GARNL3: variants seen among roughly 807,000 people sequenced by gnomAD.
The protein encoded by GARNL3 is GTPase activating Rap/RanGAP domain like 3, also known as GTPase-activating Rap/Ran-GAP domain-like protein 3.
Under a neutral mutation model 125.0 loss-of-function variants are expected in GARNL3, and 63 were observed. That is an observed-to-expected ratio of 0.50 (90% CI 0.41 to 0.62). The LOEUF is 0.62. Ranked by LOEUF, GARNL3 falls within the 20% of genes least tolerant of loss-of-function variation. GARNL3 has a pLI of 0.00. For missense variants in GARNL3, 994 were observed against 1,244.0 expected (o/e 0.80, Z 3.02); for synonymous variants, 439 against 457.5 (o/e 0.96, Z 0.52).
rs76446406 is a variant in GARNL3, at chr9:127,389,667, T to C, written c.2743+548T>C. Among the ~76,000 whole-genome samples, 781 of 152,246 alleles carry C rather than the reference T, an allele frequency of 5.1e-3. 9 individuals carry two copies. The highest frequency in any genetic ancestry group is 0.018 in the African/African-American group (743 of 41,532). ...TGGGACTGGGCTCACACCTGTTATC[T>C]CAGCATTTTGGGAGAGGCTGAGGCA... On this transcript the variant is annotated intron_variant, in intron 26 of 27. Transcript: ENST00000373387.
intron 1 of GARNL3, among the ~76,000 whole-genome samples, chr9:127,233,217 G>T (rs1299255477): frequency 6.6e-6 from 1 of 152,198 alleles, no homozygotes; most frequent in African/African-American, 2.4e-5. Context: ...GTGAAACCCT[G>T]TCTCTTAAAA....
rs186115638 is a variant in GARNL3, at chr9:127,389,007, C to A, written c.2631C>A (p.Thr877=). ...CACCCTTAGTCTCCAAGGTCATCAC[C>A]CCACCCACTCCCATCAGTGTGGGCC... ...LKSPLVSKVI[T]PPTPISVGLA... is the part of the protein sequence containing the mutation. Residue 877 remains threonine (T), a synonymous_variant, in exon 26 of 28, where the codon ACC becomes ACA. Transcript: ENST00000373387. 414 of 1,613,588 alleles carry A rather than the reference C, an allele frequency of 2.6e-4. No homozygotes were observed. The highest frequency in any genetic ancestry group is 5.0e-4 in the Middle Eastern group (3 of 6,060).
chr9:127,384,365 G>A lies in GARNL3; in HGVS notation c.2270-662G>A, dbSNP rs146385342. Among the ~76,000 whole-genome samples, 619 of 152,188 alleles carry A rather than the reference G, an allele frequency of 4.1e-3. 11 individuals carry two copies. Among genetic ancestry groups the A allele is most frequent in the East Asian group, 0.021 (108 of 5,166 alleles). On this transcript the variant is annotated intron_variant, in intron 23 of 27. Coordinates refer to ENST00000373387, the MANE Select transcript of GARNL3 (RefSeq NM_032293.5). This position sits in a 1 kb window ranked among gnomAD's most constrained non-coding sequence, Gnocchi z 4.0. ...GCAGAGAGAGCCAGTGCGAAGAAGG[G>A]GACAACACGAAGTGCCAGGAAGAAA...
At chr9:127,254,802 A>G (rs1053626137) in intron 2 of GARNL3, among the ~76,000 whole-genome samples, 1 of 152,146 alleles carries the variant, frequency 6.6e-6, no homozygotes, top group African/African-American at 2.4e-5. Flanking sequence ...TAATTGGAAA[A>G]AGACCAATAA....
At chr9:127,379,091 T>C (rs1832104403) in intron 22 of GARNL3, among the ~76,000 whole-genome samples, 1 of 152,228 alleles carries the variant, frequency 6.6e-6, no homozygotes, top group Non-Finnish European at 1.5e-5. Context: ...AGTGATTTAT[T>C]AATCAGGCAG....
At chr9:127,335,377 G>A (rs1233541205) in intron 10 of GARNL3, 44 bp downstream of exon 10, 2 of 1,377,406 alleles carry the variant, frequency 1.5e-6, no homozygotes, top group Middle Eastern at 1.8e-4. Flanking sequence ...TGTGAATGTG[G>A]AGAGGGCACC....
rs547293377 is a variant in GARNL3 at position 127,244,922 on chromosome 9, G to A, written c.143+1673G>A. ...GAAATGGGAATTTCAAATTTCAGGCGATACTGAATTATCTGAGCAAGATGG... is the reference window on the plus strand; with the variant it reads ...GAAATGGGAATTTCAAATTTCAGGCAATACTGAATTATCTGAGCAAGATGG... On this transcript the variant is annotated intron_variant, in intron 2 of 10. Coordinates refer to the GARNL3 transcript ENST00000439286. 5.9e-5 allele frequency among the ~76,000 whole-genome samples: 9 copies of A among 152,322 alleles called. No homozygotes were observed. The South Asian group carries it at 1.9e-3, about 32-fold the overall frequency.
intron 2 of GARNL3, among the ~76,000 whole-genome samples, chr9:127,245,159 G>T (rs543303704): frequency 8.5e-5 from 13 of 152,224 alleles, no homozygotes; most frequent in Non-Finnish European, 1.5e-4. Context: ...TAAAGTACCC[G>T]CAGTGGAGCT....
At chr9:127,304,139 C>G (rs2064879474) in intron 2 of GARNL3, among the ~76,000 whole-genome samples, 1 of 152,192 alleles carries the variant, frequency 6.6e-6, no homozygotes, top group Admixed American at 6.5e-5. Flanking sequence ...TAGTTGATGT[C>G]AAATGAATAA....
intron 2 of GARNL3, among the ~76,000 whole-genome samples, chr9:127,296,930 G>C (rs933237877): frequency 6.6e-6 from 1 of 151,924 alleles, no homozygotes; most frequent in African/African-American, 2.4e-5. Flanking sequence ...CTATCTAGGA[G>C]CCCCCTGTGA....
intron 1 of GARNL3, among the ~76,000 whole-genome samples, chr9:127,231,051 T>TATATATATATA (rs756942109): frequency 4.5e-4 from 26 of 58,040 alleles, no homozygotes; most frequent in Admixed American, 1.7e-3. Flanking sequence ...TATATATATA[T>TATATATATATA]TTTTTTTTTT....
At chr9:127,327,557 G>A (rs143591213) in intron 7 of GARNL3, among the ~76,000 whole-genome samples, 1 of 152,226 alleles carries the variant, frequency 6.6e-6, no homozygotes, top group Non-Finnish European at 1.5e-5. Flanking sequence ...GCAGGCAAAG[G>A]GAGATGCTTG....
At chr9:127,370,366 T>C (rs573398954) in intron 22 of GARNL3, among the ~76,000 whole-genome samples, 9 of 152,158 alleles carry the variant, frequency 5.9e-5, no homozygotes, top group South Asian at 2.1e-4. Context: ...CTGTACAGGA[T>C]TCCATATGAC....
At position 127,393,231 on chromosome 9, in the gene GARNL3, G is replaced by A. The variant is rs1003180081; in HGVS notation, c.3019G>A (p.Glu1007Lys). The stretch of plus-strand genomic sequence containing the variant: ...CTTCCAGCTCACGGCTTTCTCCGAT[G>A]AAGACATTATAGACTTGAAGTAACA... The part of the protein sequence containing the change: ...SPFQLTAFSD[E>K]DIIDLK Residue 1007 changes from glutamate to lysine, a missense_variant, in exon 28 of 28, where the codon GAA becomes AAA. Transcript: ENST00000373387. 1.9e-6 allele frequency: 3 copies of A among 1,613,140 alleles called. No individual in the cohort carries two copies. The highest frequency in any genetic ancestry group is 2.7e-5 in the African/African-American group (2 of 74,924).
rs1422574777 is a variant in GARNL3, at chr9:127,242,760, A to G, written c.-28-319A>G. Among the ~76,000 whole-genome samples the G allele has an allele frequency of 6.6e-6, 1 of 152,176 alleles. No homozygotes were observed. Among genetic ancestry groups the G allele is most frequent in the Admixed American group, 6.5e-5 (1 of 15,276 alleles). On this transcript the variant is annotated intron_variant, in intron 1 of 10. Transcript: ENST00000439286. This position sits in a 1 kb window ranked among gnomAD's most constrained non-coding sequence, Gnocchi z 4.6. ...CATTCTAGACATAGCTTCCCTTACC[A>G]AATTCATACTGCCTTTCTCTAAACA...
chr9:127,361,241 A>G (rs1830980021), intron 21 of GARNL3, among the ~76,000 whole-genome samples: 1 of 152,090 alleles, frequency 6.6e-6, no homozygotes, highest in Non-Finnish European at 1.5e-5. Context: ...TACCAATAGA[A>G]TGAACTACTT....
chr9:127,239,654 A>G (rs557971870), intron 1 of GARNL3, among the ~76,000 whole-genome samples: 2 of 152,346 alleles, frequency 1.3e-5, no homozygotes, highest in South Asian at 4.1e-4. Flanking sequence ...CAACTGCTAT[A>G]TATTTTAAAT....
At chr9:127,343,180 T>C (rs891713367) in intron 14 of GARNL3, among the ~76,000 whole-genome samples, 1 of 152,112 alleles carries the variant, frequency 6.6e-6, no homozygotes, top group African/African-American at 2.4e-5. Flanking sequence ...ATTACTGTCA[T>C]GAGTCACTGC....
At chr9:127,389,423 C>G (rs1045544130) in intron 26 of GARNL3, among the ~76,000 whole-genome samples, 2 of 152,180 alleles carry the variant, frequency 1.3e-5, no homozygotes, top group Non-Finnish European at 2.9e-5. Context: ...AAGTACCAAT[C>G]TATGTATGAT....
Sources: allele counts gnomAD v4.1 joint callset (sites outside exome capture counted in the v4.1 genomes callset), GRCh38; gene constraint gnomAD v4.1.1; non-coding constraint Gnocchi (gnomAD v3.1); transcripts MANE v1.5; gene names NCBI Gene and HGNC (gene_info 2026-07-23, HGNC 2026-07-21).